CDH23: variants seen among roughly 807,000 people sequenced by gnomAD.
The protein encoded by CDH23 is cadherin related 23.
A neutral mutation model predicts 317.1 loss-of-function variants in CDH23; 189 were observed. The ratio of observed to expected loss-of-function variants is 0.60; its 90% confidence interval spans 0.53 to 0.67. The LOEUF (loss-of-function observed/expected upper bound fraction) is 0.67, where lower values mean the gene tolerates loss of function less well. Ranked by LOEUF, CDH23 falls within the 30% of genes least tolerant of loss-of-function variation. CDH23 has a pLI of 0.00. For synonymous variants in CDH23, 1,839 were observed against 1,876.8 expected, an observed-to-expected ratio of 0.98 and a Z score of 0.52; for missense variants, 4,401 against 4,592.4, an observed-to-expected ratio of 0.96 and a Z score of 1.20.
At position 71,732,055 on chromosome 10, in the gene CDH23, A is replaced by C. The variant is rs886044562; in HGVS notation, c.3784A>C (p.Thr1262Pro). Residue 1262 changes from threonine to proline, a missense_variant, in exon 32 of 70, where the codon ACA (threonine) becomes CCA (proline). Thr to Pro is a conservative substitution (Grantham distance 38). Transcript: ENST00000224721. ...GGGGAAGTTTGAGATTGACGAGAGCACAGGGCTTATCATCACCGTGAATTA... is the reference window on the plus strand; with the variant it reads ...GGGGAAGTTTGAGATTGACGAGAGCCCAGGGCTTATCATCACCGTGAATTA... Reference protein sequence around the residue: ...AEGKFEIDESTGLIITVNYLD... With the variant: ...AEGKFEIDESPGLIITVNYLD... 1 of 1,614,046 alleles carries C rather than the reference A, an allele frequency of 6.2e-7. No individual in the cohort carries two copies. Among genetic ancestry groups the C allele is most frequent in the Non-Finnish European group, 8.5e-7 (1 of 1,179,898 alleles).
intron 38 of CDH23, among the ~76,000 whole-genome samples, chr10:71,774,049 G>GTGCACACACA (rs1554871240): frequency 6.9e-6 from 1 of 145,490 alleles, no homozygotes; most frequent in African/African-American, 2.6e-5. Flanking sequence ...GCATGCGCGC[G>GTGCACACACA]CGCACACACA....
intron 3 of CDH23, among the ~76,000 whole-genome samples, chr10:71,487,223 G>A (rs1193939325): frequency 1.3e-5 from 2 of 152,180 alleles, no homozygotes; most frequent in Admixed American, 1.3e-4. Context: ...AGACTACTAC[G>A]TGTGTAAAAA....
intron 6 of CDH23, among the ~76,000 whole-genome samples, chr10:71,548,025 CCTGTCAG>C (rs765334895): frequency 9.5e-4 from 144 of 152,346 alleles, no homozygotes; most frequent in Non-Finnish European, 1.7e-3. Flanking sequence ...CTGCCTGGAG[CCTGTCAG>C]CTGCGTGGTG....
chr10:71,551,825 C>T (rs1856613359), intron 6 of CDH23, among the ~76,000 whole-genome samples: 1 of 152,154 alleles, frequency 6.6e-6, no homozygotes, highest in Non-Finnish European at 1.5e-5. Flanking sequence ...ACCCTCTGCC[C>T]TGTTCCTCCC....
intron 6 of CDH23, among the ~76,000 whole-genome samples, chr10:71,547,744 G>A (rs1006179882): frequency 1.3e-5 from 2 of 152,234 alleles, no homozygotes; most frequent in Admixed American, 1.3e-4. Flanking sequence ...CAGAGGGAAT[G>A]TATTGACATT....
chr10:71,602,306 C>T (rs934039090), intron 9 of CDH23, among the ~76,000 whole-genome samples: 2 of 152,104 alleles, frequency 1.3e-5, no homozygotes, highest in East Asian at 3.8e-4. Flanking sequence ...AGGGCTCGGA[C>T]AATCAGTGAG....
chr10:71,516,212 G>A lies in CDH23; in HGVS notation c.429+5000G>A, dbSNP rs952880952. 1.2e-4 allele frequency among the ~76,000 whole-genome samples: 19 copies of A among 152,314 alleles called. 1 individual carries two copies. ...GCTGGAAGTGAGCCTCTGTGTCCCT[G>A]CCCAGGTCTCTGTGACAGGTCCTGT... On this transcript the variant is annotated intron_variant, in intron 6 of 69. Transcript: ENST00000224721.
intron 3 of CDH23, among the ~76,000 whole-genome samples, chr10:71,468,774 C>A (rs1320079943): frequency 6.6e-6 from 1 of 152,236 alleles, no homozygotes; most frequent in Non-Finnish European, 1.5e-5. Flanking sequence ...AAACACGCTC[C>A]CCTGCATAGT....
intron 22 of CDH23, among the ~76,000 whole-genome samples, chr10:71,697,750 C>T (rs1156265103): frequency 6.6e-6 from 1 of 152,176 alleles, no homozygotes; most frequent in African/African-American, 2.4e-5. Context: ...CCAGTGGTTC[C>T]CATCTCACCC....
At position 71,570,688 on chromosome 10, in the gene CDH23, T is replaced by A. The variant is rs1857732429; in HGVS notation, c.625-102T>A. 5 of 1,378,256 alleles carry A rather than the reference T, an allele frequency of 3.6e-6. No homozygotes were observed. In the South Asian group the frequency reaches 6.6e-5, roughly 18 times the overall value. The allele number at this position is 1,378,256 out of a possible 1,614,324, so 85.4% of individuals were successfully genotyped here. On this transcript the variant is annotated intron_variant, in intron 7 of 69. Coordinates refer to ENST00000224721, the MANE Select transcript of CDH23 (RefSeq NM_022124.6). ...TGTGTGCGTGTGCATGTGTTTGCAC[T>A]TATGTGCTGCACGGTGCAGGTCTGT...
intron 1 of CDH23, among the ~76,000 whole-genome samples, chr10:71,421,703 T>G (rs985500429): frequency 3.5e-4 from 53 of 152,336 alleles, no homozygotes; most frequent in African/African-American, 1.3e-3. Context: ...TTTCTTAAAT[T>G]GAGTATTTTA....
In CDH23 at chr10:71,789,051, TG is replaced by T; in HGVS notation, c.5923+12del. The T allele has an allele frequency of 1.4e-6, 2 of 1,406,034 alleles. No homozygotes were observed. The highest frequency in any genetic ancestry group is 2.0e-6 in the Non-Finnish European group (2 of 990,748). The allele number at this position is 1,406,034 out of a possible 1,614,324, so 87.1% of individuals were successfully genotyped here. ...GGAAAACTCTCCCGCTGGTAGGTGC[TG>T]GGCCCACCCGGGAGCTCCTGCTGTT... On this transcript the variant is annotated intron_variant, in intron 45 of 69. Transcript: ENST00000224721.
At chr10:71,785,199 C>A in intron 43 of CDH23, 99 bp downstream of exon 43, 3 of 983,374 alleles carry the variant, frequency 3.1e-6, no homozygotes, top group Admixed American at 2.3e-5. Flanking sequence ...TGGGCTCCAC[C>A]GGGCTCCCGT....
chr10:71,711,040 T>C lies in CDH23; in HGVS notation c.3221-1625T>C, dbSNP rs558951453. 1.1e-3 allele frequency among the ~76,000 whole-genome samples: 171 copies of C among 152,096 alleles called. 1 individual carries two copies. Among genetic ancestry groups the C allele is most frequent in the Non-Finnish European group, 1.8e-3 (121 of 67,970 alleles). ...TGAGCTGAGTAAGAAGGGAATGAATTCTCTGGGCCTCACTCTTTCCAACCA... is the reference window on the plus strand; with the variant it reads ...TGAGCTGAGTAAGAAGGGAATGAATCCTCTGGGCCTCACTCTTTCCAACCA... On this transcript the variant is annotated intron_variant, in intron 27 of 69. Coordinates refer to ENST00000224721, the MANE Select transcript of CDH23 (RefSeq NM_022124.6).
chr10:71,785,545 G>A (rs1284005447), intron 43 of CDH23, 86 bp from the exon 44 acceptor site: 19 of 889,116 alleles, frequency 2.1e-5, no homozygotes, highest in Non-Finnish European at 3.4e-5. Context: ...AATTTAGGGA[G>A]GCCAAGCAGA....
chr10:71,661,634 AGAG>A (rs1322226902), intron 14 of CDH23, among the ~76,000 whole-genome samples: 3 of 152,046 alleles, frequency 2.0e-5, no homozygotes, highest in Non-Finnish European at 4.4e-5. Context: ...TGGGGTGGGC[AGAG>A]GAGTCAGGAA....
Position 71,401,286 on chromosome 10 carries a change from C to T in CDH23, c.-6+3968C>T, listed in dbSNP as rs925269024. ...CTCCAGCCTGTGCCTCCCTCGCTCA[C>T]GGTCCTTCCTTGGTGCTTCTTACCA... On this transcript the variant is annotated intron_variant, in intron 1 of 69. Transcript: ENST00000224721. Among the ~76,000 whole-genome samples, 13 of 152,280 alleles carry T rather than the reference C, an allele frequency of 8.5e-5. No individual in the cohort carries two copies. The Middle Eastern group carries it at 0.01, about 120-fold the overall frequency.
intron 1 of CDH23, among the ~76,000 whole-genome samples, chr10:71,402,828 T>A (rs1847847420): frequency 6.6e-6 from 1 of 151,980 alleles, no homozygotes; most frequent in South Asian, 2.1e-4. Context: ...CATTTAAAAA[T>A]CCAGCTGGCC....
At chr10:71,532,705 GTTTTTGTTTTTTTTTTTTTTTGTTTT>G (rs1270182681) in intron 6 of CDH23, among the ~76,000 whole-genome samples, 88 of 59,734 alleles carry the variant, frequency 1.5e-3, no homozygotes, top group African/African-American at 5.0e-3. Flanking sequence ...GTTTTCTTTT[GTTTTTGTTTTTTTTTTTTTTTGTTTT>G]TTTTTTTTTT....
Sources: allele counts gnomAD v4.1 joint callset (sites outside exome capture counted in the v4.1 genomes callset), GRCh38; gene constraint gnomAD v4.1.1; transcripts MANE v1.5; gene names NCBI Gene and HGNC (gene_info 2026-07-23, HGNC 2026-07-21).